FRY: variants seen among roughly 807,000 people sequenced by gnomAD.
The protein encoded by FRY is FRY microtubule binding protein.
In FRY, 128 loss-of-function variants were observed where a neutral mutation model predicts 348.4. That is an observed-to-expected ratio of 0.37 (90% CI 0.32 to 0.43). The LOEUF (loss-of-function observed/expected upper bound fraction) is 0.43. FRY is among the 20% of genes least tolerant of loss of function. The probability of loss-of-function intolerance (pLI) is 1.00; values close to 1 mark genes in which losing one functional copy is unlikely to be tolerated. For missense variants in FRY, 2,736 were observed against 3,695.2 expected, an observed-to-expected ratio of 0.74 and a Z score of 6.73; for synonymous variants, 1,370 against 1,374.7, an observed-to-expected ratio of 1.00 and a Z score of 0.08.
At chr13:32,037,742 A>T (rs1872591410) in intron 1 of FRY, among the ~76,000 whole-genome samples, 2 of 152,204 alleles carry the variant, frequency 1.3e-5, no homozygotes, top group African/African-American at 4.8e-5. Context: ...CCCTAAACAG[A>T]CAGCTGTTTC....
Position 32,117,452 on chromosome 13 carries a change from G to A in FRY, c.443G>A (p.Arg148Lys). The change falls in exon 4 of 61, where the codon AGA becomes AAA. Residue 148 changes from arginine to lysine, a missense_variant. Physicochemically the swap from Arg to Lys is conservative, Grantham distance 26 (BLOSUM62 2). Transcript: ENST00000542859. ...IEDESHEYRP[R>K]TSNKSKSDEQ... is the part of the protein sequence containing the mutation. Reference sequence around the variant, plus strand: ...GATGAATCACATGAATACAGACCAAGAACAAGCAATAAATCAAAAAGGTAC... The same window carrying A: ...GATGAATCACATGAATACAGACCAAAAACAAGCAATAAATCAAAAAGGTAC... 6.2e-7 allele frequency: 1 copy of A among 1,613,834 alleles called. No individual in the cohort carries two copies. The highest frequency in any genetic ancestry group is 8.5e-7 in the Non-Finnish European group (1 of 1,179,774).
At chr13:32,205,778 T>A (rs1361866157) in intron 31 of FRY, among the ~76,000 whole-genome samples, 1 of 151,940 alleles carries the variant, frequency 6.6e-6, no homozygotes, top group Non-Finnish European at 1.5e-5. Context: ...AAAAGCCTGG[T>A]TGCAGTGTGG....
In FRY at chr13:32,239,989, A is replaced by G; in HGVS notation, c.6687+108A>G. The G allele has an allele frequency of 1.1e-6, 1 of 880,730 alleles. No homozygotes were observed. Among genetic ancestry groups the G allele is most frequent in the Non-Finnish European group, 1.8e-6 (1 of 561,224 alleles). The allele number at this position is 880,730 out of a possible 1,614,324, so 54.6% of individuals were successfully genotyped here. ...TCCTGCCTTCGCCTCCCAGAGTGCTAGGATTACAGGCGTGGGCCACCATTC... is the reference window on the plus strand; with the variant it reads ...TCCTGCCTTCGCCTCCCAGAGTGCTGGGATTACAGGCGTGGGCCACCATTC... On this transcript the variant is annotated intron_variant, in intron 46 of 60. Transcript: ENST00000542859. The surrounding 1 kb of genome is among the most constrained non-coding windows in gnomAD (Gnocchi z 4.3).
intron 29 of FRY, among the ~76,000 whole-genome samples, chr13:32,201,677 T>A (rs1451019073): frequency 6.6e-6 from 1 of 152,228 alleles, no homozygotes; most frequent in Non-Finnish European, 1.5e-5. Context: ...TTTATCCTGG[T>A]GTCCCAGTAT....
intron 58 of FRY, among the ~76,000 whole-genome samples, chr13:32,282,881 G>A (rs1427715842): frequency 6.6e-6 from 1 of 152,082 alleles, no homozygotes. Context: ...GGTGGCTCAC[G>A]CCTGTAATCC....
rs759225238 is a variant in FRY, at chr13:32,184,658, A to T, written c.3113A>T (p.Glu1038Val). Residue 1038 changes from glutamate to valine, a missense_variant, in exon 25 of 61, where the codon GAA becomes GTA. Around this residue, in one of 9 missense-constraint regions of FRY, gnomAD observed 449 missense variants for 576.9 expected, o/e 0.78. Transcript: ENST00000542859. ...AGGCTACAACTACTTCGAATTTTTG[A>T]ACTTTTGGCTGATGCTGGTGTAATA... ...LLRLQLLRIF[E>V]LLADAGVISD... 4 of 1,612,852 alleles carry T rather than the reference A, an allele frequency of 2.5e-6. No homozygotes were observed. In the South Asian group the frequency reaches 4.4e-5, roughly 18 times the overall value.
intron 1 of FRY, among the ~76,000 whole-genome samples, chr13:32,044,167 TA>T (rs1345334244): frequency 3.3e-5 from 5 of 152,242 alleles, no homozygotes. Flanking sequence ...CCAACAATAG[TA>T]GATGAAATGC....
At chr13:32,247,548 G>T (rs749109650) in intron 48 of FRY, 46 bp downstream of exon 48, 2 of 1,416,768 alleles carry the variant, frequency 1.4e-6, no homozygotes, top group African/African-American at 1.4e-5. Context: ...GCATGAATTT[G>T]TAGTAGCAAA....
intron 20 of FRY, among the ~76,000 whole-genome samples, chr13:32,177,118 G>T (rs960147089): frequency 2.0e-5 from 3 of 152,090 alleles, no homozygotes; most frequent in Admixed American, 1.3e-4. Flanking sequence ...AAACATAAAG[G>T]CAGTGTCCTC....
intron 13 of FRY, among the ~76,000 whole-genome samples, chr13:32,149,492 A>C (rs926535057): frequency 1.3e-5 from 2 of 151,876 alleles, no homozygotes; most frequent in Non-Finnish European, 2.9e-5. Flanking sequence ...GTCATTAGTC[A>C]TACTGTGGTT....
intron 10 of FRY, among the ~76,000 whole-genome samples, chr13:32,135,586 G>A (rs146979998): frequency 2.6e-5 from 4 of 152,268 alleles, no homozygotes; most frequent in East Asian, 3.9e-4. Flanking sequence ...ATGGAAACAG[G>A]CAGGAAAAGG....
intron 29 of FRY, among the ~76,000 whole-genome samples, chr13:32,196,584 G>T (rs777686226): frequency 3.3e-5 from 5 of 152,058 alleles, no homozygotes; most frequent in Non-Finnish European, 7.4e-5. Context: ...GTGAGAGTGT[G>T]TGTGTGTGTG....
chr13:32,148,522 C>T (rs61946719), intron 13 of FRY, among the ~76,000 whole-genome samples: 6,269 of 152,212 alleles, frequency 0.041, 143 homozygotes, highest in Non-Finnish European at 0.053. Flanking sequence ...TATTTGAGCC[C>T]AGGAGTTTTA....
chr13:32,078,841 C>A lies in FRY; in HGVS notation c.78C>A (p.Pro26=). 6.2e-7 allele frequency: 1 copy of A among 1,613,604 alleles called. No individual in the cohort carries two copies. Among genetic ancestry groups the A allele is most frequent in the African/African-American group, 1.3e-5 (1 of 75,022 alleles). Residue 26 remains proline, a synonymous_variant, in exon 2 of 61, where the codon CCC becomes CCA. Transcript: ENST00000542859. ...GCCCATTCTGTTTTTCAGCTTCTCCCGTTGGCAACGGTTACATCAAGCCTC... is the reference window on the plus strand; with the variant it reads ...GCCCATTCTGTTTTTCAGCTTCTCCAGTTGGCAACGGTTACATCAAGCCTC... ...YLLKSWSNTS[P]VGNGYIKPPV...
At position 32,201,881 on chromosome 13, in the gene FRY, A is replaced by G. The variant is rs555329144; in HGVS notation, c.3747-60A>G. On this transcript the variant is annotated intron_variant, in intron 29 of 60. Transcript: ENST00000542859. ...GCCAGCTAGAATTTTAAGAGGTAAC[A>G]ATCTAGCCACTCTGTCTTATAAACC... 19 of 931,596 alleles carry G rather than the reference A, an allele frequency of 2.0e-5. No homozygotes were observed. The Admixed American group carries it at 3.0e-4, about 15-fold the overall frequency. The allele number at this position is 931,596 out of a possible 1,614,324, so 57.7% of individuals were successfully genotyped here. A position where few individuals can be genotyped will look rare whatever the true frequency, so the allele number is the denominator to read the frequency against.
intron 17 of FRY, among the ~76,000 whole-genome samples, chr13:32,164,645 A>G (rs1289208476): frequency 6.6e-6 from 1 of 152,136 alleles, no homozygotes; most frequent in East Asian, 1.9e-4. Context: ...GAACCTTTCC[A>G]TGTGGCTCCA....
chr13:32,240,342 C>T (rs969948839), intron 46 of FRY, among the ~76,000 whole-genome samples: 5 of 152,182 alleles, frequency 3.3e-5, no homozygotes, highest in African/African-American at 9.6e-5. Flanking sequence ...TGTCAGTACA[C>T]GGCACAGATC....
chr13:32,290,592 C>G (rs187376409), intron 59 of FRY, among the ~76,000 whole-genome samples: 1 of 152,068 alleles, frequency 6.6e-6, no homozygotes, highest in Non-Finnish European at 1.5e-5. Flanking sequence ...GGGGTAAAGG[C>G]GAGATCATAA....
chr13:32,294,470 G>A lies in FRY; in HGVS notation c.8683G>A (p.Glu2895Lys), dbSNP rs751918555. The change falls in exon 60 of 61, where the codon GAG (glutamate) becomes AAG (lysine). Residue 2895 changes from glutamate (E) to lysine (K), a missense_variant. Coordinates refer to ENST00000542859, the MANE Select transcript of FRY (RefSeq NM_023037.3). ...TCTCTATTCAGACGGCGCGTGGTCC[G>A]AGCCCACCTTCACGTCCACTGAAGC... is the stretch of plus-strand genomic sequence containing the variant. Reference protein sequence around the residue: ...DPLYSDGAWSEPTFTSTEAAI... With the variant: ...DPLYSDGAWSKPTFTSTEAAI... 5.0e-6 allele frequency: 8 copies of A among 1,613,920 alleles called. No homozygotes were observed. In the African/African-American group the frequency reaches 8.0e-5, roughly 16 times the overall value.
Sources: gnomAD v4.1 joint callset for allele counts (sites outside exome capture counted in the v4.1 genomes callset) on GRCh38, gnomAD v4.1.1 for gene constraint, gnomAD v4.1.1 regional missense constraint, Gnocchi (gnomAD v3.1) non-coding constraint, MANE v1.5 for transcripts, NCBI Gene and HGNC (gene_info 2026-07-23, HGNC 2026-07-21) for gene names.